The following SELENOS variants were observed in gnomAD, a reference collection of about 807,000 sequenced individuals.
SELENOS encodes the protein selenoprotein S.
Under a neutral mutation model 30.2 loss-of-function variants are expected in SELENOS, and 37 were observed. The ratio of observed to expected loss-of-function variants is 1.23; its 90% confidence interval spans 0.94 to 1.61. SELENOS has a LOEUF of 1.61. SELENOS is among the 40% of genes most tolerant of loss of function. The probability of loss-of-function intolerance (pLI) is 0.00; values close to 1 mark genes in which losing one functional copy is unlikely to be tolerated. For missense variants in SELENOS, 289 were observed against 231.8 expected (o/e 1.25, Z -1.60); for synonymous variants, 119 against 91.6 (o/e 1.30, Z -1.71).
At chr15:101,272,937 T>A (rs1361887804) in intron 5 of SELENOS, 81 bp from the exon 6 acceptor site, 2 of 1,297,438 alleles carry the variant, frequency 1.5e-6, no homozygotes, top group East Asian at 5.1e-5. Flanking sequence ...AATAAAATTA[T>A]GAGAGTGACA....
chr15:101,273,052 T>C (rs2039287259), intron 5 of SELENOS, among the ~76,000 whole-genome samples, 196 bp from the exon 6 acceptor site: 3 of 151,838 alleles, frequency 2.0e-5, no homozygotes, highest in South Asian at 4.2e-4. Flanking sequence ...TTTGAACTGA[T>C]TGTCTGGTGG....
intron 5 of SELENOS, 134 bp from the exon 6 acceptor site, chr15:101,272,990 A>C (rs779911901): frequency 1.2e-5 from 9 of 743,856 alleles, no homozygotes; most frequent in Non-Finnish European, 1.7e-5. Flanking sequence ...GACATTTAAA[A>C]AAACCTTTTA....
downstream of SELENOS, among the ~76,000 whole-genome samples, chr15:101,271,935 T>C (rs1256929726): frequency 6.6e-6 from 1 of 152,228 alleles, no homozygotes; most frequent in African/African-American, 2.4e-5. Context: ...TGATAGTGCC[T>C]CTGGACAAGA....
Position 101,275,373 on chromosome 15 carries a change from G to GA in SELENOS, c.212-13dup, listed in dbSNP as rs758506988. 6 of 1,538,060 alleles carry GA rather than the reference G, an allele frequency of 3.9e-6. No individual in the cohort carries two copies. In the East Asian group the frequency reaches 7.1e-5, roughly 18 times the overall value. Reference sequence around the variant, plus strand: ...AACAACATCAGGTTCTAAAATGTCAGAAAAAAATGGAGATAAAGCACTGTG... The same window carrying GA: ...AACAACATCAGGTTCTAAAATGTCAGAAAAAAAATGGAGATAAAGCACTGTG... On this transcript the variant is annotated splice_polypyrimidine_tract_variant and intron_variant, in intron 2 of 5. Transcript: ENST00000526049.
chr15:101,275,252 T>C lies in SELENOS; in HGVS notation c.318+3A>G, dbSNP rs543345286. ...ACACATTCAAACTGAAACCAGTTCA[T>C]ACTTGTTTCAGTTTTTCCTTATGCT... On this transcript the variant is annotated splice_donor_region_variant and intron_variant, in intron 3 of 5. Coordinates refer to ENST00000526049, the MANE Select transcript of SELENOS (RefSeq NM_018445.6). 2 of 1,544,566 alleles carry C rather than the reference T, an allele frequency of 1.3e-6. No individual in the cohort carries two copies. The highest frequency in any genetic ancestry group is 1.4e-5 in the African/African-American group (1 of 72,684).
intron 5 of SELENOS, 164 bp downstream of exon 5, chr15:101,274,256 G>A: frequency 2.6e-6 from 2 of 755,750 alleles, no homozygotes; most frequent in Non-Finnish European, 4.4e-6. Flanking sequence ...TACTTAGTGA[G>A]GACCTAGGAG....
chr15:101,272,181 G>A (rs1185921839), downstream of SELENOS: 2 of 152,214 alleles, frequency 1.3e-5, no homozygotes, highest in Non-Finnish European at 2.9e-5. Context: ...AGAGAAATAA[G>A]TAATAGTTAG....
Position 101,276,536 on chromosome 15 carries a change from C to T in SELENOS, c.211+5G>A. ...CCGCTTTCATTTCGGTTATCAGGCA[C>T]TAACCCACAGCAGCCGCAGCTCGGT... On this transcript the variant is annotated splice_donor_5th_base_variant and intron_variant, in intron 2 of 5. Transcript: ENST00000526049. The T allele has an allele frequency of 6.3e-7, 1 of 1,599,074 alleles. No homozygotes were observed. Among genetic ancestry groups the T allele is most frequent in the Non-Finnish European group, 8.5e-7 (1 of 1,175,212 alleles).
At chr15:101,273,940 TTG>T (rs762992721) in intron 5 of SELENOS, among the ~76,000 whole-genome samples, 115 of 152,370 alleles carry the variant, frequency 7.5e-4, no homozygotes, top group Admixed American at 1.5e-3. Context: ...TTATTTTCGT[TTG>T]TGAGTCCCAT....
intron 2 of SELENOS, 125 bp downstream of exon 2, chr15:101,276,414 ATT>A (rs57981941): frequency 2.8e-3 from 2,707 of 956,122 alleles, no homozygotes; most frequent in South Asian, 3.7e-3. Flanking sequence ...ACTCCCGGCT[ATT>A]TTTTTTTTTT....
chr15:101,276,700 A>T (rs754066908), intron 1 of SELENOS, 25 bp from the exon 2 acceptor site: 1 of 1,596,916 alleles, frequency 6.3e-7, no homozygotes. Flanking sequence ...AGTTTTCAAA[A>T]AACTAAAAAT....
intron 3 of SELENOS, 46 bp downstream of exon 3, chr15:101,275,209 C>CT: frequency 6.7e-7 from 1 of 1,486,390 alleles, no homozygotes; most frequent in South Asian, 1.3e-5. Context: ...GCCACTAAAC[C>CT]TCAGACAATT....
rs1189848457 is a variant in SELENOS at position 101,277,410 on chromosome 15, CG to C, written c.7del (p.Arg3AlafsTer53). The part of the protein sequence containing the change: ME[R>X]QEESLSARPA... Reference sequence around the variant, plus strand: ...CCGCGCGGACAGAGACTCCTCTTGGCGTTCCATGACCGCCGCCGCCGCCGCC... The same window carrying C: ...CCGCGCGGACAGAGACTCCTCTTGGCTTCCATGACCGCCGCCGCCGCCGCC... On this transcript the variant is annotated frameshift_variant, in exon 1 of 6. Coordinates refer to ENST00000526049, the MANE Select transcript of SELENOS (RefSeq NM_018445.6). LOFTEE classifies it high-confidence loss of function. 69 of 1,478,452 alleles carry C rather than the reference CG, an allele frequency of 4.7e-5. No homozygotes were observed. Among genetic ancestry groups the C allele is most frequent in the Non-Finnish European group, 5.7e-5 (64 of 1,122,560 alleles). 91.6% of individuals were successfully genotyped at this position (1,478,452 alleles called of 1,614,324 possible). A position where few individuals can be genotyped will look rare whatever the true frequency, so the allele number is the denominator to read the frequency against.
intron 5 of SELENOS, 90 bp from the exon 6 acceptor site, chr15:101,272,946 C>T: frequency 8.9e-7 from 1 of 1,125,782 alleles, no homozygotes; most frequent in South Asian, 1.4e-5. Context: ...ATGAGAGTGA[C>T]ACGCAAAGCA....
At chr15:101,276,778 TCA>T in intron 1 of SELENOS, 103 bp from the exon 2 acceptor site, 1 of 1,421,310 alleles carries the variant, frequency 7.0e-7, no homozygotes, top group South Asian at 1.4e-5. Context: ...CTCAAAGCCT[TCA>T]TGGTCTAGGC....
rs947493934 is a variant in SELENOS at position 101,276,801 on chromosome 15, G to A, written c.77-126C>T. On this transcript the variant is annotated intron_variant, in intron 1 of 5. Coordinates refer to ENST00000526049, the MANE Select transcript of SELENOS (RefSeq NM_018445.6). ...CTTCATGGTCTAGGCTGAGGAAAAA[G>A]CCTCCTAAGTAGATCGTTAAAACAC... The A allele has an allele frequency of 6.9e-6, 8 of 1,166,910 alleles. No homozygotes were observed. The Admixed American group carries it at 1.1e-4, about 16-fold the overall frequency. The allele number at this position is 1,166,910 out of a possible 1,614,324, so 72.3% of individuals were successfully genotyped here. A position where few individuals can be genotyped will look rare whatever the true frequency, so the allele number is the denominator to read the frequency against.
chr15:101,276,644 G>GTACC lies in SELENOS; in HGVS notation c.104_107dup (p.Tyr36Ter). Reference sequence around the variant, plus strand: ...AGAGAAGGATGCAGCTGAAGACGATGTACCAGCCATAGGTGGCCAGCAGGG... The same window carrying GTACC: ...AGAGAAGGATGCAGCTGAAGACGATGTACCTACCAGCCATAGGTGGCCAGCAGGG... On this transcript the variant is annotated stop_gained and frameshift_variant, in exon 2 of 6. Coordinates refer to ENST00000526049, the MANE Select transcript of SELENOS (RefSeq NM_018445.6). LOFTEE classifies it high-confidence loss of function. 1 of 1,613,302 alleles carries GTACC rather than the reference G, an allele frequency of 6.2e-7. No homozygotes were observed. The highest frequency in any genetic ancestry group is 8.5e-7 in the Non-Finnish European group (1 of 1,179,718).
chr15:101,277,234 C>T, intron 1 of SELENOS, 108 bp downstream of exon 1: 1 of 1,506,632 alleles, frequency 6.6e-7, no homozygotes, highest in Non-Finnish European at 8.9e-7. Context: ...CCGACCGTTC[C>T]CAGGCCTCCC....
At chr15:101,273,074 A>C (rs2039287585) in intron 5 of SELENOS, among the ~76,000 whole-genome samples, 1 of 152,154 alleles carries the variant, frequency 6.6e-6, no homozygotes, top group Non-Finnish European at 1.5e-5. Flanking sequence ...GAAAAAAGTC[A>C]TTCAGCTTCT....
Sources: gnomAD v4.1 joint callset for allele counts (sites outside exome capture counted in the v4.1 genomes callset) on GRCh38, gnomAD v4.1.1 for gene constraint, MANE v1.5 for transcripts, NCBI Gene and HGNC (gene_info 2026-07-23, HGNC 2026-07-21) for gene names.